Variants in NLN observed in about 807,000 individuals in gnomAD.
NLN encodes the protein neurolysin, also known as neurolysin, mitochondrial.
NLN carries 64 observed loss-of-function variants against 79.9 expected under a neutral mutation model. The ratio of observed to expected loss-of-function variants is 0.80; its 90% CI spans 0.65 to 0.99. NLN has a LOEUF of 0.99. Among genes scored for constraint, NLN ranks in the 50% least tolerant of loss-of-function variants. NLN has a pLI of 0.00. For synonymous variants in NLN, 267 were observed against 296.6 expected (o/e 0.90, Z 1.02); for missense variants, 835 against 858.7 (o/e 0.97, Z 0.34).
At chr5:65,778,072 C>T (rs1020795665) in intron 4 of NLN, among the ~76,000 whole-genome samples, 2 of 152,098 alleles carry the variant, frequency 1.3e-5, no homozygotes, top group African/African-American at 4.8e-5. Context: ...TGTCTTTTCA[C>T]TCCCTTGGTC....
intron 1 of NLN, chr5:65,733,660 G>A: frequency 6.8e-7 from 1 of 1,470,942 alleles, no homozygotes; most frequent in Non-Finnish European, 9.4e-7. Flanking sequence ...TCTTAGGGAA[G>A]GCCTGATTAG....
intron 12 of NLN, among the ~76,000 whole-genome samples, chr5:65,815,651 G>A (rs1760653648): frequency 6.6e-6 from 1 of 152,018 alleles, no homozygotes. Flanking sequence ...CAAAAGCCAA[G>A]AAGAATCCCT....
intron 1 of NLN, among the ~76,000 whole-genome samples, chr5:65,756,461 T>C (rs1759221336): frequency 1.3e-5 from 2 of 152,182 alleles, no homozygotes; most frequent in South Asian, 4.1e-4. Context: ...CCTAGTTTTA[T>C]ATACTTTAAT....
intron 9 of NLN, among the ~76,000 whole-genome samples, chr5:65,796,507 A>T (rs563763872): frequency 1.3e-5 from 2 of 152,318 alleles, no homozygotes; most frequent in South Asian, 4.1e-4. Context: ...GTTTTGCCTA[A>T]CCTCATCCAT....
intron 9 of NLN, among the ~76,000 whole-genome samples, chr5:65,794,382 C>T (rs1760127229): frequency 1.3e-5 from 2 of 151,936 alleles, no homozygotes; most frequent in African/African-American, 2.4e-5. Context: ...AGGCCAAGGG[C>T]GGCAGATCGC....
At chr5:65,746,886 C>T (rs1758993121) in intron 1 of NLN, among the ~76,000 whole-genome samples, 1 of 152,084 alleles carries the variant, frequency 6.6e-6, no homozygotes, top group East Asian at 1.9e-4. Flanking sequence ...CACCTGTAAT[C>T]CCAGCTACTC....
chr5:65,748,467 G>A (rs1759032785), intron 1 of NLN, among the ~76,000 whole-genome samples: 1 of 151,884 alleles, frequency 6.6e-6, no homozygotes, highest in African/African-American at 2.4e-5. Context: ...ATAGGTTAAG[G>A]AAGTGATGTT....
rs1474308835 is a variant in NLN, at chr5:65,825,668, T to A, written c.*2753T>A. ...TTTCTAAAGCTAATAAGGTGAGAGG[T>A]GGATATCTGTAGCTCTTCGGATGAA... On this transcript the variant is annotated 3_prime_UTR_variant, in exon 13 of 13. Transcript: ENST00000380985. 2 of 152,080 alleles carry A rather than the reference T, an allele frequency of 1.3e-5. No homozygotes were observed. The highest frequency in any genetic ancestry group is 2.4e-5 in the African/African-American group (1 of 41,392). 9.4% of individuals were successfully genotyped at this position (152,080 alleles called of 1,614,324 possible). A position where few individuals can be genotyped will look rare whatever the true frequency, so the allele number is the denominator to read the frequency against.
intron 3 of NLN, among the ~76,000 whole-genome samples, chr5:65,766,169 A>C (rs894583083): frequency 6.6e-5 from 10 of 152,290 alleles, no homozygotes; most frequent in African/African-American, 2.2e-4. Context: ...GGTAGGAACT[A>C]ATCAGGCATC....
chr5:65,746,829 C>G (rs902275320), intron 1 of NLN, among the ~76,000 whole-genome samples: 2 of 151,776 alleles, frequency 1.3e-5, no homozygotes, highest in African/African-American at 2.4e-5. Context: ...ACAGTGAAAC[C>G]CCGTCTCTAC....
At chr5:65,775,903 T>G (rs1340815252) in intron 3 of NLN, among the ~76,000 whole-genome samples, 2 of 152,236 alleles carry the variant, frequency 1.3e-5, no homozygotes, top group Non-Finnish European at 2.9e-5. Flanking sequence ...CTGCCTCCAC[T>G]GAGGATAACC....
intron 9 of NLN, among the ~76,000 whole-genome samples, chr5:65,799,247 G>A (rs1393520137): frequency 6.6e-6 from 1 of 152,162 alleles, no homozygotes; most frequent in Non-Finnish European, 1.5e-5. Context: ...ACCTATGGTA[G>A]GATGGGGTTC....
In NLN at chr5:65,822,917, C is replaced by G; in HGVS notation, c.*2C>G. On this transcript the variant is annotated 3_prime_UTR_variant, in exon 13 of 13. Coordinates refer to ENST00000380985, the MANE Select transcript of NLN (RefSeq NM_020726.5). ...AGTAGAGGCCTGCATGCTCCGTGAACTGGGGATCTTTGGTAGCCGTCCATG... is the reference window on the plus strand; with the variant it reads ...AGTAGAGGCCTGCATGCTCCGTGAAGTGGGGATCTTTGGTAGCCGTCCATG... The G allele has an allele frequency of 6.2e-7, 1 of 1,613,146 alleles. No homozygotes were observed. Among genetic ancestry groups the G allele is most frequent in the Admixed American group, 1.7e-5 (1 of 59,968 alleles).
chr5:65,824,460 C>G lies in NLN; in HGVS notation c.*1545C>G, dbSNP rs1760874536. 6.6e-6 allele frequency: 1 copy of G among 152,174 alleles called. No individual in the cohort carries two copies. Among genetic ancestry groups the G allele is most frequent in the African/African-American group, 2.4e-5 (1 of 41,438 alleles). 9.4% of individuals were successfully genotyped at this position (152,174 alleles called of 1,614,324 possible). A position where few individuals can be genotyped will look rare whatever the true frequency, so the allele number is the denominator to read the frequency against. Reference sequence around the variant, plus strand: ...CCCACACACTCACTCAATGTCACCCCCTTCTAATCCCCAAAACTGTTTTTG... The same window carrying G: ...CCCACACACTCACTCAATGTCACCCGCTTCTAATCCCCAAAACTGTTTTTG... On this transcript the variant is annotated 3_prime_UTR_variant, in exon 13 of 13. Transcript: ENST00000380985.
chr5:65,791,722 C>CA lies in NLN; in HGVS notation c.1326-719dup, dbSNP rs112029749. On this transcript the variant is annotated intron_variant, in intron 8 of 12. Coordinates refer to ENST00000380985, the MANE Select transcript of NLN (RefSeq NM_020726.5). Reference sequence around the variant, plus strand: ...TGGATGACAGAGCAAGACTCTGTCTCAAAAAAAAAAAAATAAAAAGACCAG... The same window carrying CA: ...TGGATGACAGAGCAAGACTCTGTCTCAAAAAAAAAAAAAATAAAAAGACCAG... 6.3e-3 allele frequency among the ~76,000 whole-genome samples: 750 copies of CA among 119,616 alleles called. 4 individuals are homozygous for CA. The highest frequency in any genetic ancestry group is 0.014 in the Middle Eastern group (3 of 214). The allele number at this position is 119,616 out of a possible 152,430, so 78.5% of individuals were successfully genotyped here.
rs992464307 is a variant in NLN at position 65,825,267 on chromosome 5, A to G, written c.*2352A>G. 1 of 152,018 alleles carries G rather than the reference A, an allele frequency of 6.6e-6. No individual in the cohort carries two copies. The highest frequency in any genetic ancestry group is 2.4e-5 in the African/African-American group (1 of 41,376). The allele number at this position is 152,018 out of a possible 1,614,324, so 9.4% of individuals were successfully genotyped here. ...GATCAGAGCAGAGAATATCACTGACATGCTTGAAATGGTGGATAACTATGT... is the reference window on the plus strand; with the variant it reads ...GATCAGAGCAGAGAATATCACTGACGTGCTTGAAATGGTGGATAACTATGT... On this transcript the variant is annotated 3_prime_UTR_variant, in exon 13 of 13. Transcript: ENST00000380985.
At chr5:65,811,000 G>A (rs952471326) in intron 11 of NLN, among the ~76,000 whole-genome samples, 3 of 152,074 alleles carry the variant, frequency 2.0e-5, no homozygotes, top group Non-Finnish European at 2.9e-5. Context: ...AGGGTATTTG[G>A]GGGGAGAAGC....
chr5:65,727,737 C>G (rs1415960898), intron 1 of NLN, among the ~76,000 whole-genome samples: 2 of 152,156 alleles, frequency 1.3e-5, no homozygotes, highest in African/African-American at 4.8e-5. Flanking sequence ...CTAGCTTCCT[C>G]TTGCAATTAG....
intron 12 of NLN, among the ~76,000 whole-genome samples, chr5:65,820,011 T>C (rs557132827): frequency 6.6e-6 from 1 of 152,348 alleles, no homozygotes; most frequent in East Asian, 1.9e-4. Flanking sequence ...TGAGCTGTAC[T>C]GAGCCACATA....
Sources: allele counts gnomAD v4.1 joint callset (sites outside exome capture counted in the v4.1 genomes callset), GRCh38; gene constraint gnomAD v4.1.1; transcripts MANE v1.5; gene names NCBI Gene and HGNC (gene_info 2026-07-23, HGNC 2026-07-21).